Variants in SLC39A11 observed in about 807,000 individuals in gnomAD.
SLC39A11 encodes solute carrier family 39 member 11.
Under a neutral mutation model 36.1 loss-of-function variants are expected in SLC39A11, and 33 were observed. The ratio of observed to expected loss-of-function variants is 0.91; its 90% confidence interval spans 0.69 to 1.22. The LOEUF is 1.22. Among genes scored for constraint, SLC39A11 ranks in the 50% most tolerant of loss-of-function variants. SLC39A11 has a pLI of 0.00. For synonymous variants in SLC39A11, 166 were observed against 170.3 expected, an observed-to-expected ratio of 0.97 and a Z score of 0.20; for missense variants, 432 against 430.3, an observed-to-expected ratio of 1.00 and a Z score of -0.03.
At chr17:73,005,843 C>T (rs183008845) in intron 4 of SLC39A11, among the ~76,000 whole-genome samples, 78 of 152,024 alleles carry the variant, frequency 5.1e-4, no homozygotes, top group Admixed American at 1.6e-3. Context: ...CCCAGCTACT[C>T]GGGAGTCTAA....
At chr17:72,652,502 A>G (rs1218369080) in intron 7 of SLC39A11, among the ~76,000 whole-genome samples, 1 of 152,226 alleles carries the variant, frequency 6.6e-6, no homozygotes, top group African/African-American at 2.4e-5. Flanking sequence ...AGCCCTTAGC[A>G]CACGGGAGCT....
intron 4 of SLC39A11, among the ~76,000 whole-genome samples, chr17:72,984,160 T>C (rs2088538629): frequency 6.6e-6 from 1 of 152,056 alleles, no homozygotes; most frequent in South Asian, 2.1e-4. Flanking sequence ...ATTGCCACTA[T>C]CAGCAGCAAA....
intron 4 of SLC39A11, among the ~76,000 whole-genome samples, chr17:73,015,827 C>T (rs1344361831): frequency 6.6e-6 from 1 of 152,166 alleles, no homozygotes; most frequent in African/African-American, 2.4e-5. Context: ...GGTGATCTGC[C>T]CGCTTCGGCC....
chr17:72,736,785 CT>C, intron 6 of SLC39A11, 66 bp from the exon 7 acceptor site: 1 of 1,258,056 alleles, frequency 7.9e-7, no homozygotes, highest in Non-Finnish European at 1.2e-6. Context: ...ATCACCATCA[CT>C]GTCACTGCAT....
At chr17:72,993,122 T>C (rs753106141) in intron 4 of SLC39A11, among the ~76,000 whole-genome samples, 1 of 152,076 alleles carries the variant, frequency 6.6e-6, no homozygotes, top group Non-Finnish European at 1.5e-5. Context: ...GGAGCCACAA[T>C]TCAAGATGAG....
At chr17:72,978,987 G>T (rs560888435) in intron 4 of SLC39A11, among the ~76,000 whole-genome samples, 1 of 152,198 alleles carries the variant, frequency 6.6e-6, no homozygotes, top group East Asian at 1.9e-4. Context: ...TTGCTCTGGG[G>T]CTGACATGGT....
In SLC39A11 at chr17:72,646,593, T is replaced by TG. The variant is rs3840060; in HGVS notation, c.*990dup. 0.42 allele frequency: 63,524 copies of TG among 152,144 alleles called. 13,338 individuals carry two copies. The highest frequency in any genetic ancestry group is 0.49 in the Middle Eastern group (143 of 292). The allele number at this position is 152,144 out of a possible 1,614,324, so 9.4% of individuals were successfully genotyped here. A position where few individuals can be genotyped will look rare whatever the true frequency, so the allele number is the denominator to read the frequency against. The stretch of plus-strand genomic sequence containing the variant: ...AGGCCTGTTGCAGCTCAAGAGTTTT[T>TG]GTCAGATTATAAGTTACCAAATGGT... On this transcript the variant is annotated 3_prime_UTR_variant, in exon 10 of 10. Transcript: ENST00000255559.
chr17:72,738,386 G>T (rs1228193772), intron 6 of SLC39A11, among the ~76,000 whole-genome samples: 1 of 152,144 alleles, frequency 6.6e-6, no homozygotes, highest in Non-Finnish European at 1.5e-5. Context: ...AGACAGATGC[G>T]GTCTACACTG....
At chr17:72,877,122 C>G (rs1424534700) in intron 5 of SLC39A11, among the ~76,000 whole-genome samples, 3 of 152,342 alleles carry the variant, frequency 2.0e-5, no homozygotes, top group Middle Eastern at 3.4e-3. Flanking sequence ...ATCATCATCT[C>G]TATAAAGAAG....
intron 4 of SLC39A11, among the ~76,000 whole-genome samples, chr17:72,963,413 G>A (rs1416691510): frequency 4.6e-5 from 7 of 151,268 alleles, no homozygotes; most frequent in South Asian, 2.1e-4. Context: ...CTCGTGATCC[G>A]CCCACCTCAG....
chr17:72,843,618 T>C (rs1036357951), intron 6 of SLC39A11, among the ~76,000 whole-genome samples: 1 of 152,168 alleles, frequency 6.6e-6, no homozygotes, highest in Non-Finnish European at 1.5e-5. Flanking sequence ...ACCACGACCA[T>C]GCTGGCAGCC....
chr17:72,889,126 A>C (rs2081589736), intron 5 of SLC39A11, among the ~76,000 whole-genome samples: 1 of 152,242 alleles, frequency 6.6e-6, no homozygotes, highest in African/African-American at 2.4e-5. Context: ...AAACGTTTAG[A>C]GATGCAGATA....
chr17:72,906,452 G>C (rs1415200062), intron 5 of SLC39A11, among the ~76,000 whole-genome samples: 1 of 152,246 alleles, frequency 6.6e-6, no homozygotes. Context: ...GCTTGGCTGG[G>C]TCTGTGCACA....
chr17:72,750,083 G>A (rs1302557015), intron 6 of SLC39A11, among the ~76,000 whole-genome samples: 9 of 152,160 alleles, frequency 5.9e-5, no homozygotes, highest in African/African-American at 2.2e-4. Flanking sequence ...CAGATGGGTC[G>A]AGGAATCAGG....
At chr17:72,810,308 GT>G in intron 6 of SLC39A11, among the ~76,000 whole-genome samples, 1 of 152,142 alleles carries the variant, frequency 6.6e-6, no homozygotes, top group Non-Finnish European at 1.5e-5. Flanking sequence ...AACACTCATT[GT>G]GGTTTTTCTC....
At chr17:72,930,761 GC>G (rs2084341494) in intron 5 of SLC39A11, among the ~76,000 whole-genome samples, 1 of 152,170 alleles carries the variant, frequency 6.6e-6, no homozygotes, top group African/African-American at 2.4e-5. Context: ...GTATGGTGGG[GC>G]CCTAGCAACA....
chr17:72,786,145 C>G (rs1209442050), intron 6 of SLC39A11, among the ~76,000 whole-genome samples: 1 of 152,172 alleles, frequency 6.6e-6, no homozygotes, highest in African/African-American at 2.4e-5. Flanking sequence ...TAGCAATTGA[C>G]TGCATGGGAA....
intron 6 of SLC39A11, among the ~76,000 whole-genome samples, chr17:72,820,678 A>C (rs182635200): frequency 1.3e-5 from 2 of 151,454 alleles, no homozygotes; most frequent in East Asian, 3.9e-4. Flanking sequence ...AAGGAAAGGC[A>C]AACGATGGAC....
intron 3 of SLC39A11, among the ~76,000 whole-genome samples, chr17:73,080,706 AG>A (rs1333205029): frequency 3.3e-5 from 5 of 152,198 alleles, no homozygotes; most frequent in African/African-American, 4.8e-5. Context: ...GCACTCTGGG[AG>A]GCTGAGACAG....
Sources: gnomAD v4.1 joint callset for allele counts (sites outside exome capture counted in the v4.1 genomes callset) on GRCh38, gnomAD v4.1.1 for gene constraint, MANE v1.5 for transcripts, NCBI Gene and HGNC (gene_info 2026-07-23, HGNC 2026-07-21) for gene names.